SIM2: variants seen among roughly 807,000 people sequenced by gnomAD.
SIM2 encodes SIM bHLH transcription factor 2, also known as single-minded homolog 2.
A neutral mutation model predicts 64.8 loss-of-function variants in SIM2; 28 were observed. That is an observed-to-expected ratio of 0.43 (90% confidence interval 0.32 to 0.59). The LOEUF (loss-of-function observed/expected upper bound fraction) is 0.59. SIM2 is among the 20% of genes least tolerant of loss of function. SIM2 has a pLI of 0.07. For synonymous variants in SIM2, 408 were observed against 391.1 expected, an observed-to-expected ratio of 1.04 and a Z score of -0.51; for missense variants, 847 against 871.4, an observed-to-expected ratio of 0.97 and a Z score of 0.35.
chr21:36,712,165 G>T (rs2088683810), intron 2 of SIM2, among the ~76,000 whole-genome samples: 2 of 152,168 alleles, frequency 1.3e-5, no homozygotes, highest in African/African-American at 4.8e-5. Context: ...TATAGTGGTA[G>T]ATTTTCCCCT....
At chr21:36,733,250 A>G (rs2088995637) in intron 7 of SIM2, among the ~76,000 whole-genome samples, 1 of 152,086 alleles carries the variant, frequency 6.6e-6, no homozygotes, top group Non-Finnish European at 1.5e-5. Context: ...AATGAGATGG[A>G]GTCTCGCTCT....
intron 6 of SIM2, among the ~76,000 whole-genome samples, chr21:36,727,111 C>T (rs2088902970): frequency 1.3e-5 from 2 of 152,306 alleles, no homozygotes; most frequent in South Asian, 4.1e-4. Flanking sequence ...GATCTCAGCT[C>T]ACTGCAACCT....
At chr21:36,736,075 G>A (rs1040314434) in intron 7 of SIM2, among the ~76,000 whole-genome samples, 4 of 152,314 alleles carry the variant, frequency 2.6e-5, no homozygotes, top group African/African-American at 7.2e-5. Flanking sequence ...CGAGGGATGC[G>A]GGGACACAGG....
chr21:36,730,260 TG>T (rs911840115), intron 6 of SIM2, among the ~76,000 whole-genome samples: 3 of 152,176 alleles, frequency 2.0e-5, no homozygotes, highest in Non-Finnish European at 4.4e-5. Flanking sequence ...AGGAACCAAA[TG>T]TGGTGTCTAC....
At chr21:36,718,807 A>G (rs2088780406) in intron 3 of SIM2, among the ~76,000 whole-genome samples, 1 of 152,174 alleles carries the variant, frequency 6.6e-6, no homozygotes, top group African/African-American at 2.4e-5. Flanking sequence ...TCTGCTAGTC[A>G]TTTCTAGAAC....
intron 6 of SIM2, 106 bp from the exon 7 acceptor site, chr21:36,730,939 C>T: frequency 1.3e-6 from 1 of 768,102 alleles, no homozygotes; most frequent in Non-Finnish European, 2.2e-6. Context: ...TCAACATTTC[C>T]CGCCTGAGCC....
At chr21:36,719,041 T>C (rs2088783494) in intron 3 of SIM2, among the ~76,000 whole-genome samples, 1 of 152,196 alleles carries the variant, frequency 6.6e-6, no homozygotes, top group East Asian at 1.9e-4. Flanking sequence ...CTGTGGGCTG[T>C]GTCTGGAAAT....
intron 7 of SIM2, among the ~76,000 whole-genome samples, chr21:36,731,609 G>A (rs561982155): frequency 7.9e-5 from 12 of 152,268 alleles, no homozygotes; most frequent in South Asian, 6.2e-4. Context: ...GATAGGTTAA[G>A]CCGCTTGCCC....
intron 5 of SIM2, among the ~76,000 whole-genome samples, chr21:36,725,418 T>A (rs928548606): frequency 4.6e-5 from 7 of 152,168 alleles, no homozygotes; most frequent in African/African-American, 1.7e-4. Context: ...CCAAGTTCAA[T>A]CCCATTGGAA....
At chr21:36,743,263 C>T (rs996551290) in intron 8 of SIM2, 124 bp from the exon 9 acceptor site, 4 of 826,974 alleles carry the variant, frequency 4.8e-6, no homozygotes, top group African/African-American at 1.7e-5. Flanking sequence ...ATCCCATCCA[C>T]ATCCAATCCC....
chr21:36,721,161 C>T (rs1445909548), intron 4 of SIM2, among the ~76,000 whole-genome samples: 1 of 152,086 alleles, frequency 6.6e-6, no homozygotes, highest in Non-Finnish European at 1.5e-5. Flanking sequence ...TATTCCTTAC[C>T]AAGGAGAGAG....
In SIM2 at chr21:36,713,789, T is replaced by G. The variant is rs370162807; in HGVS notation, c.348+1167T>G. The stretch of plus-strand genomic sequence containing the variant: ...ATTTACATCCTTCTCTTCTGATGTA[T>G]GGATATCCTTATCCAGATCCACATG... On this transcript the variant is annotated intron_variant, in intron 3 of 10. Transcript: ENST00000290399. 7.9e-5 allele frequency among the ~76,000 whole-genome samples: 12 copies of G among 152,384 alleles called. 1 individual carries two copies. The highest frequency in any genetic ancestry group is 3.9e-4 in the East Asian group (2 of 5,194).
At chr21:36,709,427 G>A in intron 2 of SIM2, 177 bp downstream of exon 2, 1 of 709,292 alleles carries the variant, frequency 1.4e-6, no homozygotes, top group Non-Finnish European at 2.5e-6. Context: ...GTCGGATGCG[G>A]CCTGCGGCCA....
intron 7 of SIM2, among the ~76,000 whole-genome samples, chr21:36,737,600 G>A (rs2089082704): frequency 9.9e-5 from 15 of 152,250 alleles, no homozygotes; most frequent in Admixed American, 9.8e-4. Context: ...ATTCTTCCAA[G>A]GTTGTTGAGA....
At position 36,747,865 on chromosome 21, in the gene SIM2, G is replaced by A. The variant is rs1477226134; in HGVS notation, c.1777G>A (p.Ala593Thr). 2 of 1,046,820 alleles carry A rather than the reference G, an allele frequency of 1.9e-6. No individual in the cohort carries two copies. Among genetic ancestry groups the A allele is most frequent in the Non-Finnish European group, 1.2e-6 (1 of 866,466 alleles). 64.8% of individuals were successfully genotyped at this position (1,046,820 alleles called of 1,614,324 possible). ...GACCCCCGAGGCCCCGGGCGCGCCGGCGCAGCTGCCCTTCGTGCTGCTCAA... is the reference window on the plus strand; with the variant it reads ...GACCCCCGAGGCCCCGGGCGCGCCGACGCAGCTGCCCTTCGTGCTGCTCAA... Reference protein sequence around the residue: ...PPTPEAPGAPAQLPFVLLNYH... With the variant: ...PPTPEAPGAPTQLPFVLLNYH... Residue 593 changes from alanine (A) to threonine (T), a missense_variant, in exon 11 of 11, where the codon GCG becomes ACG. This residue lies in a region of SIM2 where 447 missense variants were observed against 414.6 expected (regional missense o/e 1.08). Transcript: ENST00000290399. This position sits in a 1 kb window ranked among gnomAD's most constrained non-coding sequence, Gnocchi z 4.5.
intron 4 of SIM2, among the ~76,000 whole-genome samples, chr21:36,720,876 A>G (rs2850096): frequency 0.9 from 137,678 of 152,244 alleles, 62,512 homozygotes; most frequent in African/African-American, 0.97. Flanking sequence ...AATGGGTCTT[A>G]TGTGTGCTTT....
At chr21:36,737,676 A>G (rs549344105) in intron 7 of SIM2, among the ~76,000 whole-genome samples, 1 of 152,340 alleles carries the variant, frequency 6.6e-6, no homozygotes, top group East Asian at 1.9e-4. Flanking sequence ...CAAAGAGAAC[A>G]CAGGCCATGT....
intron 4 of SIM2, among the ~76,000 whole-genome samples, chr21:36,721,523 T>A (rs909285605): frequency 6.6e-6 from 1 of 151,728 alleles, no homozygotes; most frequent in Non-Finnish European, 1.5e-5. Flanking sequence ...CACTGCAACC[T>A]CCACCACCTG....
chr21:36,711,692 A>C (rs1177182873), intron 2 of SIM2, among the ~76,000 whole-genome samples: 1 of 152,194 alleles, frequency 6.6e-6, no homozygotes, highest in Admixed American at 6.5e-5. Flanking sequence ...GTCTTTCACC[A>C]ACTTTATTGC....
Sources: gnomAD v4.1 joint callset for allele counts (sites outside exome capture counted in the v4.1 genomes callset) on GRCh38, gnomAD v4.1.1 for gene constraint, gnomAD v4.1.1 regional missense constraint, Gnocchi (gnomAD v3.1) non-coding constraint, MANE v1.5 for transcripts, NCBI Gene and HGNC (gene_info 2026-07-23, HGNC 2026-07-21) for gene names.